Variants in MSH3 observed in about 807,000 individuals in gnomAD.
The protein encoded by MSH3 is mutS homolog 3, also known as DNA mismatch repair protein Msh3.
A neutral mutation model predicts 123.3 loss-of-function variants in MSH3; 106 were observed. The observed-to-expected ratio is 0.86, with a 90% CI of 0.73 to 1.01. MSH3 has a LOEUF of 1.01. MSH3 is among the 50% of genes least tolerant of loss of function. The pLI is 0.00. For missense variants in MSH3, 1,459 were observed against 1,347.6 expected (o/e 1.08, Z -1.29); for synonymous variants, 515 against 481.4 (o/e 1.07, Z -0.91).
intron 20 of MSH3, among the ~76,000 whole-genome samples, chr5:80,824,984 C>A (rs890363032): frequency 1.3e-5 from 2 of 152,114 alleles, no homozygotes; most frequent in African/African-American, 2.4e-5. Context: ...GTTGTTACCA[C>A]TGGAAAGGAA....
chr5:80,779,711 G>A (rs535807358), intron 17 of MSH3, among the ~76,000 whole-genome samples: 1 of 150,740 alleles, frequency 6.6e-6, no homozygotes, highest in East Asian at 2.0e-4. Context: ...GGCGCACACC[G>A]CCACGCCCTG....
At chr5:80,864,647 T>G (rs550921303) in intron 21 of MSH3, among the ~76,000 whole-genome samples, 166 bp from the exon 22 acceptor site, 1 of 152,276 alleles carries the variant, frequency 6.6e-6, no homozygotes, top group East Asian at 1.9e-4. Flanking sequence ...TATGGTAAAA[T>G]ATTAACAATT....
intron 10 of MSH3, among the ~76,000 whole-genome samples, chr5:80,734,103 G>T (rs1743461684): frequency 6.6e-6 from 1 of 152,164 alleles, no homozygotes; most frequent in Non-Finnish European, 1.5e-5. Context: ...GCATACAATA[G>T]AAGATTTTTC....
At chr5:80,671,811 C>A (rs983591007) in intron 4 of MSH3, among the ~76,000 whole-genome samples, 1 of 152,162 alleles carries the variant, frequency 6.6e-6, no homozygotes, top group Non-Finnish European at 1.5e-5. Context: ...TCTCTTTTTA[C>A]TTTTTCAATG....
intron 20 of MSH3, among the ~76,000 whole-genome samples, chr5:80,831,920 A>G (rs1204027574): frequency 6.6e-6 from 1 of 152,014 alleles, no homozygotes; most frequent in Non-Finnish European, 1.5e-5. Context: ...CATCCTGGCT[A>G]ACACGGTGAA....
intron 8 of MSH3, among the ~76,000 whole-genome samples, chr5:80,700,129 G>C (rs836814): frequency 0.71 from 108,657 of 152,122 alleles, 38,865 homozygotes; most frequent in African/African-American, 0.77. Flanking sequence ...CCTAAAATCC[G>C]AGCACTTTGG....
chr5:80,678,896 TC>T (rs1749901007), intron 7 of MSH3, 30 bp from the exon 8 acceptor site: 1 of 1,612,840 alleles, frequency 6.2e-7, no homozygotes, highest in Admixed American at 1.7e-5. Context: ...ATACATTTTT[TC>T]TGTAACATTA....
At position 80,768,058 on chromosome 5, in the gene MSH3, A is replaced by C. The variant is rs1361846876; in HGVS notation, c.2022A>C (p.Glu674Asp). ...QSDLLRTVIL[E>D]IPELLSPVEH... ...ACTTGCTCCGGACCGTTATTTTAGA[A>C]ATTCCTGAACTCCTCAGTCCAGTGG... is the stretch of plus-strand genomic sequence containing the variant. Residue 674 changes from glutamate to aspartate, a missense_variant, in exon 14 of 24, where the codon GAA (glutamate) becomes GAC (aspartate). Transcript: ENST00000265081. The C allele has an allele frequency of 6.2e-7, 1 of 1,613,804 alleles. No homozygotes were observed. Among genetic ancestry groups the C allele is most frequent in the Admixed American group, 1.7e-5 (1 of 60,028 alleles).
intron 20 of MSH3, among the ~76,000 whole-genome samples, chr5:80,823,308 T>C (rs1745233743): frequency 6.6e-6 from 1 of 152,154 alleles, no homozygotes; most frequent in African/African-American, 2.4e-5. Context: ...TTGGTCAAAA[T>C]GAGATGTTTT....
chr5:80,733,985 A>G (rs1413812364), intron 10 of MSH3, among the ~76,000 whole-genome samples: 1 of 152,228 alleles, frequency 6.6e-6, no homozygotes, highest in African/African-American at 2.4e-5. Flanking sequence ...TGATGTCCAC[A>G]TAAAAACTTA....
At chr5:80,833,016 C>G (rs1745446172) in intron 20 of MSH3, among the ~76,000 whole-genome samples, 1 of 152,138 alleles carries the variant, frequency 6.6e-6, no homozygotes, top group South Asian at 2.1e-4. Flanking sequence ...TAAAAACAAA[C>G]TGTTTTTCAA....
At chr5:80,788,604 A>G (rs953032981) in intron 18 of MSH3, among the ~76,000 whole-genome samples, 1 of 152,076 alleles carries the variant, frequency 6.6e-6, no homozygotes, top group Admixed American at 6.5e-5. Context: ...TGAAACCAGG[A>G]TTTTGAGACC....
At chr5:80,702,909 G>A (rs1367651793) in intron 8 of MSH3, among the ~76,000 whole-genome samples, 1 of 152,164 alleles carries the variant, frequency 6.6e-6, no homozygotes, top group Non-Finnish European at 1.5e-5. Context: ...CTAATTGGGA[G>A]GCTGAGGCAG....
chr5:80,654,838 C>G lies in MSH3; in HGVS notation c.111C>G (p.Thr37=). ...FFQSTGSLKS[T]SSSTGAADQV... ...AGTCTACGGGAAGCCTGAAATCCAC[C>G]TCCTCCTCCACAGGTGCAGCCGACC... Residue 37 remains threonine (T), a synonymous_variant, in exon 1 of 24, where the codon ACC becomes ACG. Transcript: ENST00000265081. 6.2e-7 allele frequency: 1 copy of G among 1,605,534 alleles called. No individual in the cohort carries two copies. Among genetic ancestry groups the G allele is most frequent in the Non-Finnish European group, 8.5e-7 (1 of 1,177,048 alleles).
At chr5:80,873,825 TTGCTATCC>T (rs1159525425) in intron 23 of MSH3, among the ~76,000 whole-genome samples, 13 of 152,252 alleles carry the variant, frequency 8.5e-5, no homozygotes, top group Non-Finnish European at 1.5e-4. Context: ...ACCTTTACGC[TTGCTATCC>T]AGCTAGTATG....
At chr5:80,666,957 G>A (rs1039105697) in intron 3 of MSH3, among the ~76,000 whole-genome samples, 38 of 152,154 alleles carry the variant, frequency 2.5e-4, no homozygotes, top group African/African-American at 8.5e-4. Context: ...TATCTGATGA[G>A]TATTTCTATC....
At chr5:80,703,399 CAA>C (rs1942724306) in intron 8 of MSH3, among the ~76,000 whole-genome samples, 2 of 152,294 alleles carry the variant, frequency 1.3e-5, no homozygotes, top group Middle Eastern at 3.4e-3. Context: ...TTGCTTAAGA[CAA>C]GAGATTGCCC....
rs200461123 is a variant in MSH3, at chr5:80,723,289, CTG to C, written c.1341-2161_1341-2160del. Reference sequence around the variant, plus strand: ...ATGCCAAGCCCTAGAAATTAAGAGACTGTGGTCGTGATACAGAGATAGACAAA... The same window carrying C: ...ATGCCAAGCCCTAGAAATTAAGAGACTGGTCGTGATACAGAGATAGACAAA... On this transcript the variant is annotated intron_variant, in intron 8 of 23. Transcript: ENST00000265081. Among the ~76,000 whole-genome samples, 660 of 152,096 alleles carry C rather than the reference CTG, an allele frequency of 4.3e-3. 3 individuals carry two copies. Among genetic ancestry groups the C allele is most frequent in the African/African-American group, 0.015 (624 of 41,506 alleles).
chr5:80,699,651 A>C (rs1268353719), intron 8 of MSH3, among the ~76,000 whole-genome samples: 2 of 151,176 alleles, frequency 1.3e-5, no homozygotes, highest in Admixed American at 1.3e-4. Flanking sequence ...CATTATATAG[A>C]TTTACATTAT....
Sources: allele counts gnomAD v4.1 joint callset (sites outside exome capture counted in the v4.1 genomes callset), GRCh38; gene constraint gnomAD v4.1.1; transcripts MANE v1.5; gene names NCBI Gene and HGNC (gene_info 2026-07-23, HGNC 2026-07-21).